TCAIM: variants seen among roughly 807,000 people sequenced by gnomAD.
TCAIM encodes T cell activation inhibitor, mitochondrial, also known as T-cell activation inhibitor, mitochondrial.
A neutral mutation model predicts 58.6 loss-of-function variants in TCAIM; 36 were observed. The observed-to-expected ratio is 0.61, with a 90% CI of 0.47 to 0.81. TCAIM has a LOEUF of 0.81. Among genes scored for constraint, TCAIM ranks in the 30% least tolerant of loss-of-function variants. The probability of loss-of-function intolerance (pLI) is 0.00; values close to 1 mark genes in which losing one functional copy is unlikely to be tolerated. For synonymous variants in TCAIM, 172 were observed against 193.6 expected (o/e 0.89, Z 0.93); for missense variants, 466 against 579.6 (o/e 0.80, Z 2.01).
At chr3:44,360,668 A>T (rs1701281893) in intron 3 of TCAIM, among the ~76,000 whole-genome samples, 1 of 151,196 alleles carries the variant, frequency 6.6e-6, no homozygotes, top group Non-Finnish European at 1.5e-5. Flanking sequence ...TGGTGGCACC[A>T]TCAAGGGGCT....
In TCAIM at chr3:44,361,511, T is replaced by C. The variant is rs771316907; in HGVS notation, c.312T>C (p.Ser104=). Residue 104 remains serine (S), a synonymous_variant, in exon 4 of 11, where the codon AGT becomes AGC. Transcript: ENST00000342649. ...QSSSDGQEPF[S]TSGFRAVKFT... is the part of the protein sequence containing the mutation. ...CCTCCGATGGCCAGGAACCTTTTAGTACTTCCGGTACGTTTTTTATTTCTG... is the reference window on the plus strand; with the variant it reads ...CCTCCGATGGCCAGGAACCTTTTAGCACTTCCGGTACGTTTTTTATTTCTG... 6.3e-7 allele frequency: 1 copy of C among 1,590,512 alleles called. No individual in the cohort carries two copies. Among genetic ancestry groups the C allele is most frequent in the South Asian group, 1.2e-5 (1 of 85,322 alleles).
rs747324392 is a variant in TCAIM, at chr3:44,361,349, T to G, written c.166-16T>G. ...GTTCTATTTTGTATGTAAATGCCCT[T>G]AATGTTTTTTTCCAGGAAATCAATG... On this transcript the variant is annotated splice_polypyrimidine_tract_variant and intron_variant, in intron 3 of 10. Transcript: ENST00000342649. 6.3e-7 allele frequency: 1 copy of G among 1,588,816 alleles called. No individual in the cohort carries two copies. The highest frequency in any genetic ancestry group is 2.2e-5 in the East Asian group (1 of 44,518).
At chr3:44,351,456 A>T (rs1030552175) in intron 1 of TCAIM, among the ~76,000 whole-genome samples, 3 of 151,856 alleles carry the variant, frequency 2.0e-5, no homozygotes, top group East Asian at 3.9e-4. Flanking sequence ...TGCATGGTTT[A>T]AAAAAATCAC....
intron 1 of TCAIM, among the ~76,000 whole-genome samples, chr3:44,352,142 A>C (rs1453685089): frequency 6.6e-6 from 1 of 150,818 alleles, no homozygotes; most frequent in East Asian, 1.9e-4. Context: ...ATGTGACAGA[A>C]TAGGACTTTA....
chr3:44,381,873 A>AT (rs1248176879), intron 5 of TCAIM, among the ~76,000 whole-genome samples: 9 of 152,216 alleles, frequency 5.9e-5, no homozygotes, highest in African/African-American at 2.2e-4. Flanking sequence ...AAACAATTCC[A>AT]TTTACAATAG....
intron 10 of TCAIM, among the ~76,000 whole-genome samples, chr3:44,402,037 T>A (rs541661869): frequency 1.3e-5 from 2 of 152,088 alleles, no homozygotes; most frequent in East Asian, 3.9e-4. Context: ...AGAAAAAAAA[T>A]AAACGTTTTA....
intron 1 of TCAIM, among the ~76,000 whole-genome samples, chr3:44,348,934 G>A (rs2125626934): frequency 6.6e-6 from 1 of 152,286 alleles, no homozygotes; most frequent in Admixed American, 6.5e-5. Flanking sequence ...TCTTTAAGAG[G>A]AAATTGTTGG....
At chr3:44,351,149 T>C (rs907780899) in intron 1 of TCAIM, among the ~76,000 whole-genome samples, 9 of 152,156 alleles carry the variant, frequency 5.9e-5, no homozygotes, top group African/African-American at 2.2e-4. Flanking sequence ...CCACCATGGC[T>C]GGCTAATTTT....
At chr3:44,357,906 G>A in intron 3 of TCAIM, 30 bp downstream of exon 3, 1 of 1,607,538 alleles carries the variant, frequency 6.2e-7, no homozygotes, top group Non-Finnish European at 8.5e-7. Flanking sequence ...TAAACCATTA[G>A]TGTACATTTC....
At chr3:44,385,343 G>A (rs1701721417) in intron 5 of TCAIM, among the ~76,000 whole-genome samples, 1 of 152,154 alleles carries the variant, frequency 6.6e-6, no homozygotes, top group South Asian at 2.1e-4. Flanking sequence ...AGATGCTTTT[G>A]TACAGAGTGT....
intron 4 of TCAIM, among the ~76,000 whole-genome samples, chr3:44,366,238 C>CA (rs1431381775): frequency 6.6e-6 from 1 of 151,470 alleles, no homozygotes. Flanking sequence ...GATGACTTAA[C>CA]AATTTAGATT....
intron 4 of TCAIM, among the ~76,000 whole-genome samples, chr3:44,366,606 G>A (rs1376490841): frequency 6.7e-6 from 1 of 148,414 alleles, no homozygotes; most frequent in Non-Finnish European, 1.5e-5. Flanking sequence ...GACTACAGGC[G>A]CCCGCCACCA....
At chr3:44,373,887 A>G (rs897001437) in intron 5 of TCAIM, among the ~76,000 whole-genome samples, 1 of 152,224 alleles carries the variant, frequency 6.6e-6, no homozygotes, top group African/African-American at 2.4e-5. Context: ...TCCATTTTAT[A>G]TAAGCAAAAT....
intron 5 of TCAIM, among the ~76,000 whole-genome samples, chr3:44,382,621 C>A (rs537991897): frequency 2.0e-4 from 31 of 152,072 alleles, no homozygotes; most frequent in Non-Finnish European, 3.4e-4. Flanking sequence ...AAATGTAAGA[C>A]CTAAACTATA....
chr3:44,369,794 C>A (rs904317770), intron 5 of TCAIM, among the ~76,000 whole-genome samples: 7 of 152,128 alleles, frequency 4.6e-5, no homozygotes, highest in African/African-American at 1.7e-4. Context: ...TTCATAGATT[C>A]ATAGAATCCA....
intron 4 of TCAIM, among the ~76,000 whole-genome samples, chr3:44,363,920 CTTTTT>C (rs56361211): frequency 1.2e-4 from 8 of 67,390 alleles, no homozygotes; most frequent in African/African-American, 4.0e-4. Flanking sequence ...GCAAGTCTGT[CTTTTT>C]TTTTTTTTTT....
intron 3 of TCAIM, chr3:44,359,617 AACACTTTT>A (rs1701262838): frequency 6.6e-6 from 1 of 152,188 alleles, no homozygotes; most frequent in Non-Finnish European, 1.5e-5. Flanking sequence ...CTTGGGTGGC[AACACTTTT>A]ACGTATTGTC....
At position 44,406,623 on chromosome 3, in the gene TCAIM, T is replaced by C. The variant is rs561466897; in HGVS notation, c.1251-819T>C. Among the ~76,000 whole-genome samples the C allele has an allele frequency of 4.1e-4, 62 of 152,366 alleles. 1 individual carries two copies. Among genetic ancestry groups the C allele is most frequent in the African/African-American group, 1.5e-3 (61 of 41,582 alleles). ...ATGGAAATTTTATAGTACCTACTTT[T>C]CTATGCAGTGTTTAAGGGTGATTAA... On this transcript the variant is annotated intron_variant, in intron 10 of 10. Coordinates refer to ENST00000342649, the MANE Select transcript of TCAIM (RefSeq NM_173826.4).
chr3:44,400,688 G>A (rs1443030950), intron 9 of TCAIM, 101 bp downstream of exon 9: 5 of 1,022,174 alleles, frequency 4.9e-6, no homozygotes, highest in African/African-American at 3.3e-5. Flanking sequence ...GTAGTTCTTA[G>A]GAATTAAAGA....
Sources: gnomAD v4.1 joint callset for allele counts (sites outside exome capture counted in the v4.1 genomes callset) on GRCh38, gnomAD v4.1.1 for gene constraint, MANE v1.5 for transcripts, NCBI Gene and HGNC (gene_info 2026-07-23, HGNC 2026-07-21) for gene names.